Variants in DDX31 observed in about 807,000 individuals in gnomAD.
DDX31 encodes the protein DEAD-box helicase 31.
A neutral mutation model predicts 91.3 loss-of-function variants in DDX31; 70 were observed. The observed-to-expected ratio is 0.77, with a 90% CI of 0.63 to 0.94. The LOEUF (loss-of-function observed/expected upper bound fraction) is 0.94, where lower values mean the gene tolerates loss of function less well. Among genes scored for constraint, DDX31 ranks in the 40% least tolerant of loss-of-function variants. DDX31 has a pLI of 0.00. For synonymous variants in DDX31, 362 were observed against 350.6 expected, an observed-to-expected ratio of 1.03 and a Z score of -0.36; for missense variants, 902 against 925.0, an observed-to-expected ratio of 0.98 and a Z score of 0.32.
chr9:132,666,229 G>A (rs1835297843), intron 1 of DDX31, among the ~76,000 whole-genome samples: 1 of 151,780 alleles, frequency 6.6e-6, no homozygotes, highest in South Asian at 2.1e-4. Context: ...TTCCATTTTT[G>A]TATTGGTCTG....
chr9:132,668,569 CTTTT>C (rs35034055), intron 1 of DDX31, among the ~76,000 whole-genome samples: 1 of 127,428 alleles, frequency 7.8e-6, no homozygotes, highest in African/African-American at 2.9e-5. Flanking sequence ...CGGGGTGCAG[CTTTT>C]TTTTTTTTTT....
chr9:132,626,579 A>G lies in DDX31; in HGVS notation c.1632-834T>C, dbSNP rs546351654. Among the ~76,000 whole-genome samples the G allele has an allele frequency of 2.2e-4, 33 of 152,278 alleles. No homozygotes were observed. The South Asian group carries it at 6.6e-3, about 31-fold the overall frequency. The stretch of plus-strand genomic sequence containing the variant: ...CAGGGAGAAAGAGAAACAGAAAGAG[A>G]AGAAGGAGTTCTGAGGGGGAAACAG... On this transcript the variant is annotated intron_variant, in intron 16 of 19. Coordinates refer to ENST00000372159, the MANE Select transcript of DDX31 (RefSeq NM_022779.9).
chr9:132,613,721 A>G (rs1350501120), intron 18 of DDX31, among the ~76,000 whole-genome samples: 1 of 152,338 alleles, frequency 6.6e-6, no homozygotes, highest in East Asian at 1.9e-4. Context: ...AATTAAATTC[A>G]GAAAAGGGGG....
intron 17 of DDX31, among the ~76,000 whole-genome samples, chr9:132,619,170 C>G (rs1169367475): frequency 2.6e-5 from 4 of 152,234 alleles, no homozygotes; most frequent in African/African-American, 9.6e-5. Flanking sequence ...ATTTTCTTTT[C>G]ATCCTTTAAC....
At chr9:132,656,249 T>C (rs1369690966) in intron 6 of DDX31, among the ~76,000 whole-genome samples, 6 of 152,336 alleles carry the variant, frequency 3.9e-5, no homozygotes, top group African/African-American at 1.4e-4. Flanking sequence ...TCAAATCATT[T>C]TACAATGAAC....
Position 132,652,663 on chromosome 9 carries a change from C to A in DDX31, c.589-171G>T, listed in dbSNP as rs189866756. Among the ~76,000 whole-genome samples, 60 of 152,230 alleles carry A rather than the reference C, an allele frequency of 3.9e-4. No individual in the cohort carries two copies. The East Asian group carries it at 0.01, about 27-fold the overall frequency. On this transcript the variant is annotated intron_variant, in intron 6 of 19. Transcript: ENST00000372159. ...TCTGGCTGTGCCCCCACCCAAATTT[C>A]GACTTGCATTGTATCTCCCAGAATT...
chr9:132,634,588 T>TTTG (rs1369427861), intron 14 of DDX31, among the ~76,000 whole-genome samples: 2 of 145,408 alleles, frequency 1.4e-5, no homozygotes, highest in East Asian at 2.0e-4. Flanking sequence ...CTAAGATGTT[T>TTTG]TTTTTTTTTT....
Position 132,646,951 on chromosome 9 carries a change from A to C in DDX31, c.1075T>G (p.Cys359Gly). ...AGCTTGTCGCCAGCTGGTGGAGGACAGACCTCCTGGACCGCTTTGTCCTTT... is the reference window on the plus strand; with the variant it reads ...AGCTTGTCGCCAGCTGGTGGAGGACCGACCTCCTGGACCGCTTTGTCCTTT... ...NPKDKAVQEV[C>G]PPPAGDKLDS... The change falls in exon 12 of 20, where the codon TGT becomes GGT. Residue 359 changes from cysteine (C) to glycine (G), a missense_variant. By Grantham distance (159) the Cys-to-Gly change is radical. Transcript: ENST00000372159. The C allele has an allele frequency of 3.1e-6, 5 of 1,614,222 alleles. No individual in the cohort carries two copies. The highest frequency in any genetic ancestry group is 3.4e-6 in the Non-Finnish European group (4 of 1,180,040).
chr9:132,602,089 C>T (rs1006790522), intron 19 of DDX31, among the ~76,000 whole-genome samples: 1 of 152,242 alleles, frequency 6.6e-6, no homozygotes, highest in African/African-American at 2.4e-5. Context: ...CATGTACACA[C>T]AGCGTTTGAA....
In DDX31 at chr9:132,655,891, C is replaced by G. The variant is rs535469438; in HGVS notation, c.588+2780G>C. 2.0e-5 allele frequency among the ~76,000 whole-genome samples: 3 copies of G among 152,296 alleles called. No homozygotes were observed. In the South Asian group the frequency reaches 6.2e-4, roughly 32 times the overall value. On this transcript the variant is annotated intron_variant, in intron 6 of 19. Coordinates refer to ENST00000372159, the MANE Select transcript of DDX31 (RefSeq NM_022779.9). The stretch of plus-strand genomic sequence containing the variant: ...AGAAGAAAAGGATTTGGAATTCAAA[C>G]CAGAGTTGTCTGTACTCAACATCGA...
At chr9:132,636,497 A>T (rs1185819195) in intron 14 of DDX31, among the ~76,000 whole-genome samples, 1 of 152,244 alleles carries the variant, frequency 6.6e-6, no homozygotes, top group African/African-American at 2.4e-5. Flanking sequence ...TTCAACCAGC[A>T]AACACTAAGA....
intron 17 of DDX31, among the ~76,000 whole-genome samples, chr9:132,623,807 C>G (rs941285554): frequency 1.3e-5 from 2 of 152,110 alleles, no homozygotes; most frequent in African/African-American, 4.8e-5. Flanking sequence ...AGATCCACAT[C>G]TGCTCCCTGC....
intron 17 of DDX31, among the ~76,000 whole-genome samples, chr9:132,621,641 A>G (rs947977826): frequency 1.6e-4 from 25 of 152,108 alleles, no homozygotes; most frequent in Non-Finnish European, 1.5e-5. Flanking sequence ...CCACATTTAC[A>G]TGCCTGGCAT....
At chr9:132,662,152 G>C (rs1834998957) in intron 3 of DDX31, 109 bp downstream of exon 3, 1 of 1,110,430 alleles carries the variant, frequency 9.0e-7, no homozygotes, top group East Asian at 2.6e-5. Context: ...ACTTAGAGCA[G>C]AAACAAACAC....
intron 14 of DDX31, among the ~76,000 whole-genome samples, chr9:132,635,665 G>A (rs1311204743): frequency 6.6e-6 from 1 of 151,418 alleles, no homozygotes; most frequent in Non-Finnish European, 1.5e-5. Context: ...ACACACTCCC[G>A]GTGGGCGCAG....
chr9:132,639,702 T>C (rs1354455273), intron 14 of DDX31, among the ~76,000 whole-genome samples: 1 of 152,234 alleles, frequency 6.6e-6, no homozygotes, highest in African/African-American at 2.4e-5. Context: ...TTCAGATACC[T>C]GGAGTTTTCT....
intron 17 of DDX31, among the ~76,000 whole-genome samples, chr9:132,619,449 G>A (rs964212298): frequency 6.6e-5 from 10 of 152,130 alleles, no homozygotes; most frequent in Non-Finnish European, 1.5e-4. Flanking sequence ...TGTAGAGGAC[G>A]GTGTATGAGC....
At chr9:132,661,331 T>A in intron 3 of DDX31, 80 bp from the exon 4 acceptor site, 1 of 1,199,078 alleles carries the variant, frequency 8.3e-7, no homozygotes, top group African/African-American at 1.6e-5. Context: ...AAGGAGAAAC[T>A]ATTGAGAGAA....
chr9:132,613,171 C>T (rs905338964), intron 18 of DDX31, among the ~76,000 whole-genome samples: 1 of 152,168 alleles, frequency 6.6e-6, no homozygotes, highest in African/African-American at 2.4e-5. Flanking sequence ...GTGTGAGCAA[C>T]CTCACCCAGC....
Sources: gnomAD v4.1 joint callset for allele counts (sites outside exome capture counted in the v4.1 genomes callset) on GRCh38, gnomAD v4.1.1 for gene constraint, MANE v1.5 for transcripts, NCBI Gene and HGNC (gene_info 2026-07-23, HGNC 2026-07-21) for gene names.